Variants in ERBB4 observed in about 807,000 individuals in gnomAD.
ERBB4 encodes the protein receptor tyrosine-protein kinase erbB-4.
A neutral mutation model predicts 158.0 loss-of-function variants in ERBB4; 42 were observed. That is an observed-to-expected ratio of 0.27 (90% CI 0.21 to 0.34). The LOEUF is 0.34. ERBB4 is among the 10% of genes least tolerant of loss of function. ERBB4 has a pLI of 1.00. For synonymous variants in ERBB4, 583 were observed against 558.7 expected (o/e 1.04, Z -0.61); for missense variants, 1,333 against 1,624.1 (o/e 0.82, Z 3.08).
intron 20 of ERBB4, among the ~76,000 whole-genome samples, chr2:211,485,892 A>G (rs181408776): frequency 8.9e-4 from 136 of 152,292 alleles, no homozygotes; most frequent in Middle Eastern, 6.8e-3. Flanking sequence ...AAGGCATTAC[A>G]GAAATCGTCA....
At chr2:212,443,594 A>T (rs1010219982) in intron 1 of ERBB4, among the ~76,000 whole-genome samples, 2 of 152,208 alleles carry the variant, frequency 1.3e-5, no homozygotes, top group East Asian at 3.9e-4. Context: ...TTGAATGACC[A>T]AAAGGCTGCC....
intron 4 of ERBB4, among the ~76,000 whole-genome samples, chr2:211,771,758 G>A (rs1223635121): frequency 6.6e-6 from 1 of 152,034 alleles, no homozygotes; most frequent in Non-Finnish European, 1.5e-5. Context: ...GCTCACAAGA[G>A]ACTAGGGGCT....
rs561679797 is a variant in ERBB4 at position 212,229,034 on chromosome 2, T to C, written c.83-104131A>G. 4.6e-5 allele frequency among the ~76,000 whole-genome samples: 7 copies of C among 152,130 alleles called. No homozygotes were observed. In the East Asian group the frequency reaches 7.7e-4, roughly 17 times the overall value. ...GAAAGGGCAGCATGAGCTCTGTGTATTGGCTTGGAATTGGACATATCAGTA... is the reference window on the plus strand; with the variant it reads ...GAAAGGGCAGCATGAGCTCTGTGTACTGGCTTGGAATTGGACATATCAGTA... On this transcript the variant is annotated intron_variant, in intron 1 of 27. Transcript: ENST00000342788.
chr2:212,242,686 A>G (rs185137514), intron 1 of ERBB4, among the ~76,000 whole-genome samples: 79 of 152,292 alleles, frequency 5.2e-4, no homozygotes, highest in Admixed American at 4.0e-3. Context: ...AAAAAAAAAT[A>G]CACTGAATTC....
intron 3 of ERBB4, among the ~76,000 whole-genome samples, chr2:211,875,824 T>C (rs372684224): frequency 2.6e-5 from 4 of 152,190 alleles, no homozygotes; most frequent in East Asian, 1.9e-4. Flanking sequence ...CTGTACCTTT[T>C]CTATGTTCAG....
chr2:211,782,006 G>A (rs543526077), intron 4 of ERBB4, among the ~76,000 whole-genome samples: 27 of 152,062 alleles, frequency 1.8e-4, no homozygotes, highest in Non-Finnish European at 2.8e-4. Flanking sequence ...GCCCAGGTAC[G>A]CTATTCATAG....
At chr2:212,280,194 C>T (rs2085700608) in intron 1 of ERBB4, among the ~76,000 whole-genome samples, 1 of 151,600 alleles carries the variant, frequency 6.6e-6, no homozygotes, top group African/African-American at 2.4e-5. Flanking sequence ...CAACCAGCCA[C>T]CCAGTTGCTC....
intron 19 of ERBB4, among the ~76,000 whole-genome samples, chr2:211,611,389 T>A (rs1281358598): frequency 1.0e-4 from 8 of 80,400 alleles, no homozygotes; most frequent in Non-Finnish European, 1.8e-4. Context: ...CCCTTCTGGG[T>A]CCAAAGTAAG....
intron 1 of ERBB4, among the ~76,000 whole-genome samples, chr2:212,359,620 G>A (rs2089606939): frequency 6.6e-6 from 1 of 151,750 alleles, no homozygotes; most frequent in Non-Finnish European, 1.5e-5. Flanking sequence ...CCTGATAGCA[G>A]ATAAGGAATC....
chr2:211,755,380 C>T (rs1227940824), intron 4 of ERBB4, among the ~76,000 whole-genome samples: 2 of 152,120 alleles, frequency 1.3e-5, no homozygotes, highest in Non-Finnish European at 2.9e-5. Flanking sequence ...CGCACGCCTG[C>T]TGTCCCAGCT....
At chr2:212,205,682 C>G (rs2082724843) in intron 1 of ERBB4, among the ~76,000 whole-genome samples, 1 of 151,996 alleles carries the variant, frequency 6.6e-6, no homozygotes, top group South Asian at 2.1e-4. Context: ...TGTTACATAT[C>G]AACAATAACA....
chr2:212,314,328 A>C (rs897904776), intron 1 of ERBB4, among the ~76,000 whole-genome samples: 1 of 150,784 alleles, frequency 6.6e-6, no homozygotes, highest in Non-Finnish European at 1.5e-5. Flanking sequence ...TTTTTTCTGA[A>C]CACATTCCCA....
chr2:212,120,390 G>A (rs77698755), intron 2 of ERBB4, among the ~76,000 whole-genome samples: 1,545 of 152,220 alleles, frequency 0.01, 18 homozygotes, highest in African/African-American at 0.035. Flanking sequence ...TGACTCACAT[G>A]TTTATCTAGA....
chr2:212,214,227 A>T (rs1259242186), intron 1 of ERBB4, among the ~76,000 whole-genome samples: 1 of 151,822 alleles, frequency 6.6e-6, no homozygotes, highest in African/African-American at 2.4e-5. Context: ...GATAATGGAG[A>T]TGTTCTTTAT....
intron 1 of ERBB4, among the ~76,000 whole-genome samples, chr2:212,228,477 T>A (rs569069187): frequency 6.6e-6 from 1 of 152,158 alleles, no homozygotes; most frequent in Non-Finnish European, 1.5e-5. Context: ...GAATTATGAA[T>A]CTTCAAGGTC....
chr2:211,750,691 A>T lies in ERBB4; in HGVS notation c.570T>A (p.His190Gln). 1 of 1,614,004 alleles carries T rather than the reference A, an allele frequency of 6.2e-7. No homozygotes were observed. The highest frequency in any genetic ancestry group is 1.1e-5 in the South Asian group (1 of 91,084). ...TNGSSGCGRC[H>Q]KSCTGRCWGP... ...CCCAGCAACGGCCAGTACAGGACTT[A>T]TGGCAACGTCCACCTGCAGAACACG... is the stretch of plus-strand genomic sequence containing the variant. The change falls in exon 5 of 28, where the codon CAT (histidine) becomes CAA (glutamine). Residue 190 changes from histidine to glutamine, a missense_variant. By Grantham distance (24) the His-to-Gln change is conservative (BLOSUM62 0). Around this residue, in one of 5 missense-constraint regions of ERBB4, gnomAD observed 438 missense variants for 586.9 expected, o/e 0.75. Transcript: ENST00000342788.
At chr2:212,059,274 G>A (rs2077682031) in intron 2 of ERBB4, among the ~76,000 whole-genome samples, 1 of 152,082 alleles carries the variant, frequency 6.6e-6, no homozygotes, top group East Asian at 1.9e-4. Context: ...ACAAACCACT[G>A]CTCAATGAAA....
chr2:211,461,502 G>A (rs562726811), intron 20 of ERBB4, among the ~76,000 whole-genome samples: 1 of 152,216 alleles, frequency 6.6e-6, no homozygotes, highest in Admixed American at 6.5e-5. Context: ...GTATGCAGAA[G>A]GGTTGTTCCT....
At chr2:211,618,656 A>T (rs2069482706) in intron 19 of ERBB4, among the ~76,000 whole-genome samples, 3 of 152,096 alleles carry the variant, frequency 2.0e-5, no homozygotes, top group Non-Finnish European at 4.4e-5. Flanking sequence ...GAATAAGTAA[A>T]TTATTATTTG....
Sources: gnomAD v4.1 joint callset for allele counts (sites outside exome capture counted in the v4.1 genomes callset) on GRCh38, gnomAD v4.1.1 for gene constraint, gnomAD v4.1.1 regional missense constraint, MANE v1.5 for transcripts, NCBI Gene and HGNC (gene_info 2026-07-23, HGNC 2026-07-21) for gene names.